The following MEGF10 variants were observed in gnomAD, a reference collection of about 807,000 sequenced individuals.
MEGF10 encodes multiple epidermal growth factor-like domains protein 10.
A neutral mutation model predicts 147.5 loss-of-function variants in MEGF10; 86 were observed. The observed-to-expected ratio is 0.58, with a 90% CI of 0.49 to 0.70. MEGF10 has a LOEUF of 0.70. MEGF10 is among the 30% of genes least tolerant of loss of function. MEGF10 has a pLI of 0.00. For missense variants in MEGF10, 1,329 were observed against 1,487.3 expected, an observed-to-expected ratio of 0.89 and a Z score of 1.75; for synonymous variants, 478 against 525.5, an observed-to-expected ratio of 0.91 and a Z score of 1.24.
At position 127,410,546 on chromosome 5, in the gene MEGF10, C is replaced by T. The variant is rs754958105; in HGVS notation, c.1075C>T (p.Leu359Phe). 1.2e-6 allele frequency: 2 copies of T among 1,612,978 alleles called. No individual in the cohort carries two copies. Among genetic ancestry groups the T allele is most frequent in the South Asian group, 2.2e-5 (2 of 91,054 alleles). The change falls in exon 9 of 25, where the codon CTC becomes TTC. Residue 359 changes from leucine (L) to phenylalanine (F), a missense_variant. Physicochemically the swap from Leu to Phe is conservative, Grantham distance 22. This residue lies in a region of MEGF10 where 980 missense variants were observed against 1,085.9 expected (regional missense o/e 0.90). Coordinates refer to ENST00000503335, the MANE Select transcript of MEGF10 (RefSeq NM_001256545.2). ...RCEARLCPEG[L>F]YGIKCDKRCP... ...CGAAGCACGCCTGTGTCCTGAGGGG[C>T]TCTACGGCATCAAATGTGACAAACG...
intron 13 of MEGF10, among the ~76,000 whole-genome samples, chr5:127,429,858 T>G (rs1469800751): frequency 6.6e-6 from 1 of 152,170 alleles, no homozygotes; most frequent in Non-Finnish European, 1.5e-5. Context: ...GTTGTGCCCC[T>G]TCCTTCTTAA....
rs1341708482 is a variant in MEGF10, at chr5:127,321,662, TTAATGACCCAAAGA to T, written c.-18-9626_-18-9613del. Reference sequence around the variant, plus strand: ...AGTGCTTCAGTATTTGAAGGTCAGCTTAATGACCCAAAGATAGGAGAGCAGATGACATGTAGGTG... The same window carrying T: ...AGTGCTTCAGTATTTGAAGGTCAGCTTAGGAGAGCAGATGACATGTAGGTG... On this transcript the variant is annotated intron_variant, in intron 1 of 24. Transcript: ENST00000503335. Among the ~76,000 whole-genome samples, 4 of 152,296 alleles carry T rather than the reference TTAATGACCCAAAGA, an allele frequency of 2.6e-5. No homozygotes were observed. The East Asian group carries it at 5.8e-4, about 22-fold the overall frequency.
At chr5:127,241,700 G>A in the MEGF10 span, among the ~76,000 whole-genome samples, 2 of 152,158 alleles carry the variant, frequency 1.3e-5, no homozygotes, top group African/African-American at 4.8e-5. Flanking sequence ...TTGAGCTTCT[G>A]TGGAAAGTAG....
intron 20 of MEGF10, among the ~76,000 whole-genome samples, chr5:127,446,715 C>T (rs1193012733): frequency 6.6e-6 from 1 of 152,088 alleles, no homozygotes; most frequent in East Asian, 1.9e-4. Context: ...CCAATCAGGC[C>T]CTTTTAGGAA....
intron 5 of MEGF10, among the ~76,000 whole-genome samples, chr5:127,394,757 C>T (rs1763834435): frequency 6.6e-6 from 1 of 152,134 alleles, no homozygotes; most frequent in Admixed American, 6.5e-5. Context: ...ACCACCTAAT[C>T]TTATTTTGTG....
At chr5:127,386,558 G>A (rs1394325256) in intron 5 of MEGF10, among the ~76,000 whole-genome samples, 2 of 152,210 alleles carry the variant, frequency 1.3e-5, no homozygotes, top group African/African-American at 4.8e-5. Flanking sequence ...AAGACTAAAT[G>A]TAAAGTAGTT....
At chr5:127,281,039 C>T in the MEGF10 span, among the ~76,000 whole-genome samples, 1 of 152,164 alleles carries the variant, frequency 6.6e-6, no homozygotes, top group African/African-American at 2.4e-5. Context: ...TTCCCAGAGG[C>T]AGTGGTTGCC....
rs754339130 is a variant in MEGF10, at chr5:127,340,571, T to C, written c.260T>C (p.Met87Thr). 6 of 1,612,860 alleles carry C rather than the reference T, an allele frequency of 3.7e-6. No individual in the cohort carries two copies. In the African/African-American group the frequency reaches 4.0e-5, roughly 11 times the overall value. The change falls in exon 4 of 25, where the codon ATG becomes ACG. Residue 87 changes from methionine to threonine, a missense_variant. Physicochemically the swap from Met to Thr is moderately conservative, Grantham distance 81. Coordinates refer to ENST00000503335, the MANE Select transcript of MEGF10 (RefSeq NM_001256545.2). ...RTAYRHGEKT[M>T]YRRKSQCCPG... ...GCCTATCGACATGGGGAGAAGACTATGTATAGGCGCAAGTCTCAGTGTTGT... is the reference window on the plus strand; with the variant it reads ...GCCTATCGACATGGGGAGAAGACTACGTATAGGCGCAAGTCTCAGTGTTGT...
At chr5:127,247,422 GAAGAAGAAGAAGAAGAAGAAGAAGAAGAA>G in the MEGF10 span, among the ~76,000 whole-genome samples, 5 of 84,202 alleles carry the variant, frequency 5.9e-5, 1 homozygote, top group African/African-American at 2.4e-4. Context: ...AGAAGAAGAA[GAAGAAGAAGAAGAAGAAGAAGAAGAAGAA>G]GAAGAAGAAG....
At chr5:127,393,886 A>G (rs903972520) in intron 5 of MEGF10, among the ~76,000 whole-genome samples, 8 of 150,460 alleles carry the variant, frequency 5.3e-5, no homozygotes, top group African/African-American at 1.7e-4. Context: ...CCACTGGGAG[A>G]TAAGTTGTTG....
chr5:127,325,208 C>T lies in MEGF10; in HGVS notation c.-18-6083C>T, dbSNP rs114625895. 2.7e-3 allele frequency among the ~76,000 whole-genome samples: 414 copies of T among 152,264 alleles called. 3 individuals are homozygous for T. Among genetic ancestry groups the T allele is most frequent in the African/African-American group, 9.4e-3 (389 of 41,548 alleles). ...CCTTCATAGCTCTTGTTGGCTTCCT[C>T]TCCTCTTAAAACTCTGGCAAGTCAT... On this transcript the variant is annotated intron_variant, in intron 1 of 24. Coordinates refer to ENST00000503335, the MANE Select transcript of MEGF10 (RefSeq NM_001256545.2).
intron 5 of MEGF10, among the ~76,000 whole-genome samples, chr5:127,381,661 C>G (rs968271885): frequency 1.3e-5 from 2 of 152,066 alleles, no homozygotes; most frequent in Non-Finnish European, 2.9e-5. Flanking sequence ...GTTGTTGTTT[C>G]TTTTTGTTTT....
At chr5:127,314,013 G>A (rs1007073540) in intron 1 of MEGF10, among the ~76,000 whole-genome samples, 1 of 152,184 alleles carries the variant, frequency 6.6e-6, no homozygotes. Context: ...GAAGTGGAAA[G>A]TTGGCCAACC....
chr5:127,337,527 T>G (rs1761514829), intron 2 of MEGF10, among the ~76,000 whole-genome samples: 1 of 152,114 alleles, frequency 6.6e-6, no homozygotes. Context: ...TACAGATAGC[T>G]TAATGTGATA....
the MEGF10 span, among the ~76,000 whole-genome samples, chr5:127,247,289 G>GT: frequency 1.7e-5 from 2 of 115,846 alleles, no homozygotes; most frequent in Non-Finnish European, 3.6e-5. Context: ...GTGGTTGGGG[G>GT]GTGGGGGAGA....
intron 4 of MEGF10, among the ~76,000 whole-genome samples, chr5:127,356,583 T>C (rs1356018560): frequency 6.6e-6 from 1 of 152,126 alleles, no homozygotes; most frequent in Non-Finnish European, 1.5e-5. Context: ...GTAATGTAGA[T>C]TTAAGCTAAA....
At chr5:127,325,590 T>C (rs1760982458) in intron 1 of MEGF10, among the ~76,000 whole-genome samples, 1 of 152,030 alleles carries the variant, frequency 6.6e-6, no homozygotes, top group Non-Finnish European at 1.5e-5. Context: ...AATCATGGTG[T>C]GCATCATGCT....
intron 5 of MEGF10, among the ~76,000 whole-genome samples, chr5:127,373,508 T>C (rs1762920843): frequency 6.6e-6 from 1 of 152,192 alleles, no homozygotes; most frequent in Non-Finnish European, 1.5e-5. Context: ...TCTTACTTTC[T>C]GGTGCTAGAA....
chr5:127,359,757 A>G (rs148513552), intron 4 of MEGF10, among the ~76,000 whole-genome samples: 166 of 152,218 alleles, frequency 1.1e-3, no homozygotes, highest in African/African-American at 3.6e-3. Context: ...TAGCTATACC[A>G]CAATTTATAC....
Sources: allele counts gnomAD v4.1 joint callset (sites outside exome capture counted in the v4.1 genomes callset), GRCh38; gene constraint gnomAD v4.1.1; regional missense constraint gnomAD v4.1.1; transcripts MANE v1.5; gene names NCBI Gene and HGNC (gene_info 2026-07-23, HGNC 2026-07-21).